The following PHLDB3 variants were observed in gnomAD, a reference collection of about 807,000 sequenced individuals.
PHLDB3 encodes the protein pleckstrin homology like domain family B member 3.
Under a neutral mutation model 85.7 loss-of-function variants are expected in PHLDB3, and 86 were observed. The ratio of observed to expected loss-of-function variants is 1.00; its 90% CI spans 0.84 to 1.20. The LOEUF is 1.20. Ranked by LOEUF, PHLDB3 falls within the 50% of genes most tolerant of loss-of-function variation. PHLDB3 has a pLI of 0.00. For missense variants in PHLDB3, 995 were observed against 873.0 expected, an observed-to-expected ratio of 1.14 and a Z score of -1.76; for synonymous variants, 376 against 349.8, an observed-to-expected ratio of 1.07 and a Z score of -0.83.
intron 14 of PHLDB3, 72 bp downstream of exon 14, chr19:43,479,305 T>C: frequency 1.4e-6 from 2 of 1,446,812 alleles, no homozygotes; most frequent in Non-Finnish European, 1.9e-6. Context: ...GGACTTCTGG[T>C]GCCTGTAGAG....
At chr19:43,479,148 C>G (rs917646806) in intron 14 of PHLDB3, among the ~76,000 whole-genome samples, 2 of 151,984 alleles carry the variant, frequency 1.3e-5, no homozygotes, top group Non-Finnish European at 2.9e-5. Context: ...GGTTTGAATT[C>G]TGGGTGGCTT....
chr19:43,486,499 G>A (rs1599940617), intron 12 of PHLDB3, 110 bp downstream of exon 12: 1 of 1,376,894 alleles, frequency 7.3e-7, no homozygotes, highest in Non-Finnish European at 9.8e-7. Context: ...GGAGGGGCTG[G>A]GGGCCTGGAC....
At chr19:43,496,727 C>G (rs971871741) in intron 6 of PHLDB3, 1 of 228,084 alleles carries the variant, frequency 4.4e-6, no homozygotes, top group African/African-American at 2.2e-5. Context: ...GAGCTGTGAA[C>G]GTGTCACTGC....
At chr19:43,475,590 C>T in intron 15 of PHLDB3, 46 bp from the exon 16 acceptor site, 1 of 1,611,406 alleles carries the variant, frequency 6.2e-7, no homozygotes, top group Non-Finnish European at 8.5e-7. Flanking sequence ...AAGACACCGG[C>T]CACAGTCTGG....
chr19:43,486,759 AC>A lies in PHLDB3; in HGVS notation c.1340+20del. On this transcript the variant is annotated intron_variant, in intron 11 of 15. Coordinates refer to ENST00000292140, the MANE Select transcript of PHLDB3 (RefSeq NM_198850.4). ...GCTGGGCCTCTTCTTCCATCTCCCC[AC>A]CTTCTCTCTGATGTCTCACCTATTC... 6.2e-7 allele frequency: 1 copy of A among 1,609,134 alleles called. No individual in the cohort carries two copies.
chr19:43,498,115 A>C (rs537501758), intron 4 of PHLDB3, among the ~76,000 whole-genome samples: 11 of 152,196 alleles, frequency 7.2e-5, no homozygotes, highest in South Asian at 6.2e-4. Context: ...AAGTGGGAAG[A>C]TCTCTTGAGC....
chr19:43,495,503 G>T lies in PHLDB3; in HGVS notation c.943C>A (p.Leu315Met). Reference protein sequence around the residue: ...SRKKEEALQALSQERSRLLEL... With the variant: ...SRKKEEALQAMSQERSRLLEL... ...GGTGACAGGTAGCTCACCTGTGACA[G>T]GGCCTGAAGGGCCTCCTCCTTCTTC... Residue 315 changes from leucine to methionine, a missense_variant, in exon 7 of 16, where the codon CTG becomes ATG. Coordinates refer to ENST00000292140, the MANE Select transcript of PHLDB3 (RefSeq NM_198850.4). 1.9e-6 allele frequency: 3 copies of T among 1,605,278 alleles called. No homozygotes were observed. Among genetic ancestry groups the T allele is most frequent in the Non-Finnish European group, 2.6e-6 (3 of 1,175,950 alleles).
At position 43,495,354 on chromosome 19, in the gene PHLDB3, G is replaced by A; in HGVS notation, c.952-15C>T. 2 of 1,611,596 alleles carry A rather than the reference G, an allele frequency of 1.2e-6. No homozygotes were observed. Among genetic ancestry groups the A allele is most frequent in the Non-Finnish European group, 8.5e-7 (1 of 1,178,738 alleles). ...CGGCTCCGTTCCTACCAGAAGATATGGACAGCTACGTGTCAAAGTCAGAAT... is the reference window on the plus strand; with the variant it reads ...CGGCTCCGTTCCTACCAGAAGATATAGACAGCTACGTGTCAAAGTCAGAAT... On this transcript the variant is annotated splice_polypyrimidine_tract_variant and intron_variant, in intron 7 of 15. Transcript: ENST00000292140.
At chr19:43,490,602 G>A (rs1434254987) in intron 9 of PHLDB3, among the ~76,000 whole-genome samples, 1 of 152,070 alleles carries the variant, frequency 6.6e-6, no homozygotes, top group Non-Finnish European at 1.5e-5. Flanking sequence ...GTTGAGAAAT[G>A]TTAGCTCCAC....
intron 15 of PHLDB3, 118 bp downstream of exon 15, chr19:43,477,929 A>G (rs1970961531): frequency 1.5e-6 from 1 of 673,606 alleles, no homozygotes; most frequent in African/African-American, 1.8e-5. Context: ...TACTCCTATG[A>G]GTACCCTGAC....
rs1970898393 is a variant in PHLDB3, at chr19:43,475,281, G to T, written c.*129C>A. Reference sequence around the variant, plus strand: ...TCAGGCCAGCTGAACTGCCGCGCCTGCGGAATTCCCGGGAGAGTTCCAAAG... The same window carrying T: ...TCAGGCCAGCTGAACTGCCGCGCCTTCGGAATTCCCGGGAGAGTTCCAAAG... On this transcript the variant is annotated 3_prime_UTR_variant, in exon 16 of 16. Transcript: ENST00000292140. 2 of 1,302,010 alleles carry T rather than the reference G, an allele frequency of 1.5e-6. No individual in the cohort carries two copies. The highest frequency in any genetic ancestry group is 1.0e-6 in the Non-Finnish European group (1 of 964,004). The allele number at this position is 1,302,010 out of a possible 1,614,324, so 80.7% of individuals were successfully genotyped here.
chr19:43,502,281 G>A lies in PHLDB3; in HGVS notation c.216C>T (p.Pro72=). Residue 72 remains proline, a splice_region_variant and synonymous_variant, in exon 3 of 16, where the codon CCC becomes CCT. Coordinates refer to ENST00000292140, the MANE Select transcript of PHLDB3 (RefSeq NM_198850.4). ...GSSTESSRDA[P]EATPPIAMAA... Reference sequence around the variant, plus strand: ...CCATAGCTATCGGAGGCGTAGCCTCGGGCTGAAGTTGAGGGGGGCGTGGTT... The same window carrying A: ...CCATAGCTATCGGAGGCGTAGCCTCAGGCTGAAGTTGAGGGGGGCGTGGTT... 1.3e-6 allele frequency: 2 copies of A among 1,554,318 alleles called. No homozygotes were observed. Among genetic ancestry groups the A allele is most frequent in the Non-Finnish European group, 1.7e-6 (2 of 1,154,442 alleles).
At chr19:43,488,105 G>T (rs1971225907) in intron 9 of PHLDB3, among the ~76,000 whole-genome samples, 2 of 151,388 alleles carry the variant, frequency 1.3e-5, no homozygotes, top group Admixed American at 1.3e-4. Context: ...AGTGAGCCGA[G>T]ATCTCGCCAC....
chr19:43,478,151 G>C lies in PHLDB3; in HGVS notation c.1703-19C>G, dbSNP rs925944954. 6.9e-6 allele frequency: 11 copies of C among 1,584,346 alleles called. No individual in the cohort carries two copies. Among genetic ancestry groups the C allele is most frequent in the Non-Finnish European group, 9.5e-6 (11 of 1,153,548 alleles). On this transcript the variant is annotated intron_variant, in intron 14 of 15. Transcript: ENST00000292140. ...TCCTTGTCTGGTAGGGGAGGTAAGA[G>C]AAAAAGAGAGCCAGTGAGAAAGGTG...
intron 13 of PHLDB3, among the ~76,000 whole-genome samples, chr19:43,483,169 A>G (rs1331105668): frequency 6.6e-6 from 1 of 152,190 alleles, no homozygotes; most frequent in Non-Finnish European, 1.5e-5. Flanking sequence ...TTCACAAAAT[A>G]TGGCTTGACT....
In PHLDB3 at chr19:43,486,872, T is replaced by A; in HGVS notation, c.1250-2A>T. 1 of 1,551,994 alleles carries A rather than the reference T, an allele frequency of 6.4e-7. No individual in the cohort carries two copies. The highest frequency in any genetic ancestry group is 8.7e-7 in the Non-Finnish European group (1 of 1,147,854). On this transcript the variant is annotated splice_acceptor_variant, in intron 10 of 15. Transcript: ENST00000292140. LOFTEE classifies it high-confidence loss of function. ...GGAGAGCTGAGGCCTCCAGGGATTC[T>A]AGGGTAGAGGGGACCAGGTTACAGG... is the stretch of plus-strand genomic sequence containing the variant.
intron 6 of PHLDB3, 70 bp downstream of exon 6, chr19:43,497,048 A>C: frequency 7.5e-7 from 1 of 1,337,926 alleles, no homozygotes; most frequent in East Asian, 2.8e-5. Flanking sequence ...GACAGAGAAA[A>C]AGGCAGGCAC....
Position 43,475,386 on chromosome 19 carries a change from T to G in PHLDB3, c.*24A>C, listed in dbSNP as rs746135659. 253 of 1,609,946 alleles carry G rather than the reference T, an allele frequency of 1.6e-4. No individual in the cohort carries two copies. Among genetic ancestry groups the G allele is most frequent in the Non-Finnish European group, 2.1e-4 (245 of 1,177,238 alleles). ...CGCGCCGGCGGAGCCTCGAAGGGACTTCCCCCCAAGAGGGCGGGGCCACTC... is the reference window on the plus strand; with the variant it reads ...CGCGCCGGCGGAGCCTCGAAGGGACGTCCCCCCAAGAGGGCGGGGCCACTC... On this transcript the variant is annotated 3_prime_UTR_variant, in exon 16 of 16. Transcript: ENST00000292140.
Position 43,487,141 on chromosome 19 carries a change from T to C in PHLDB3, c.1150-18A>G, listed in dbSNP as rs774213926. ...ATGGAGCCCTGAAAACACAAAAGGC[T>C]CATGAGCATAGGAAAAAGGCTTGAT... On this transcript the variant is annotated intron_variant, in intron 9 of 15. Coordinates refer to ENST00000292140, the MANE Select transcript of PHLDB3 (RefSeq NM_198850.4). The C allele has an allele frequency of 3.1e-5, 48 of 1,550,758 alleles. No homozygotes were observed. Among genetic ancestry groups the C allele is most frequent in the Non-Finnish European group, 4.1e-5 (47 of 1,145,828 alleles).
Sources: gnomAD v4.1 joint callset for allele counts (sites outside exome capture counted in the v4.1 genomes callset) on GRCh38, gnomAD v4.1.1 for gene constraint, MANE v1.5 for transcripts, NCBI Gene and HGNC (gene_info 2026-07-23, HGNC 2026-07-21) for gene names.